The following CHD7 variants were observed in gnomAD, a reference collection of about 807,000 sequenced individuals.
The protein encoded by CHD7 is ATP-dependent chromatin remodeler CHD7.
A neutral mutation model predicts 307.3 loss-of-function variants in CHD7; 24 were observed. The ratio of observed to expected loss-of-function variants is 0.08; its 90% CI spans 0.06 to 0.11. The LOEUF is 0.11. Among genes scored for constraint, CHD7 ranks in the 10% least tolerant of loss-of-function variants. CHD7 has a pLI of 1.00. For synonymous variants in CHD7, 1,363 were observed against 1,349.9 expected (o/e 1.01, Z -0.21); for missense variants, 3,106 against 3,727.1 (o/e 0.83, Z 4.34).
chr8:60,714,264 T>G (rs1440073974), intron 1 of CHD7, among the ~76,000 whole-genome samples: 1 of 152,072 alleles, frequency 6.6e-6, no homozygotes, highest in African/African-American at 2.4e-5. Context: ...AGGCCCTCGC[T>G]GCCGGCACCG....
intron 19 of CHD7, among the ~76,000 whole-genome samples, chr8:60,838,638 A>G (rs377139920): frequency 2.0e-5 from 3 of 152,080 alleles, no homozygotes; most frequent in African/African-American, 7.2e-5. Context: ...CCTCTTCTCT[A>G]TTTTCTTCTT....
At chr8:60,682,383 T>G (rs1362125598) in intron 1 of CHD7, among the ~76,000 whole-genome samples, 1 of 152,204 alleles carries the variant, frequency 6.6e-6, no homozygotes, top group Non-Finnish European at 1.5e-5. Flanking sequence ...CAATAATATG[T>G]TATAGTTTTT....
chr8:60,816,235 CAGT>C (rs546460387), intron 7 of CHD7, among the ~76,000 whole-genome samples, 149 bp from the exon 8 acceptor site: 1 of 151,878 alleles, frequency 6.6e-6, no homozygotes, highest in Non-Finnish European at 1.5e-5. Flanking sequence ...TTATTCTAAA[CAGT>C]GGTGGGTATA....
At chr8:60,733,397 G>A (rs572617318) in intron 1 of CHD7, among the ~76,000 whole-genome samples, 1 of 152,318 alleles carries the variant, frequency 6.6e-6, no homozygotes, top group East Asian at 1.9e-4. Context: ...GTGCCCATCT[G>A]TTCCTAGGAC....
intron 19 of CHD7, among the ~76,000 whole-genome samples, chr8:60,841,268 T>C (rs1261088909): frequency 6.6e-6 from 1 of 152,252 alleles, no homozygotes; most frequent in African/African-American, 2.4e-5. Context: ...GCTGTGAACA[T>C]TTCCACATGC....
At chr8:60,722,089 G>A (rs1385819305) in intron 1 of CHD7, among the ~76,000 whole-genome samples, 1 of 152,078 alleles carries the variant, frequency 6.6e-6, no homozygotes, top group Non-Finnish European at 1.5e-5. Context: ...CACCAGATAC[G>A]GCCTGGTCAT....
chr8:60,837,928 C>T (rs533665954), intron 18 of CHD7, 93 bp downstream of exon 18: 27 of 1,327,596 alleles, frequency 2.0e-5, no homozygotes, highest in African/African-American at 7.4e-5. Context: ...GATTATTTTT[C>T]GACCTCAATA....
chr8:60,776,758 T>C (rs1309045121), intron 2 of CHD7, among the ~76,000 whole-genome samples: 1 of 152,246 alleles, frequency 6.6e-6, no homozygotes, highest in Non-Finnish European at 1.5e-5. Flanking sequence ...TTTTGAATCA[T>C]TGCACACTCT....
chr8:60,827,142 A>G (rs1804286282), intron 13 of CHD7, among the ~76,000 whole-genome samples: 1 of 152,182 alleles, frequency 6.6e-6, no homozygotes. Context: ...AGGAGTTCCT[A>G]ATGCTAGATG....
At position 60,701,899 on chromosome 8, in the gene CHD7, C is replaced by T. The variant is rs941358347; in HGVS notation, c.-175+22817C>T. ...CTTGATGTAGGGTTGTTTTCTGCAC[C>T]CAGTGCCAATCCTTAAGTTCTGGTG... On this transcript the variant is annotated intron_variant, in intron 1 of 37. Coordinates refer to ENST00000423902, the MANE Select transcript of CHD7 (RefSeq NM_017780.4). Among the ~76,000 whole-genome samples, 6 of 152,260 alleles carry T rather than the reference C, an allele frequency of 3.9e-5. No individual in the cohort carries two copies. In the South Asian group the frequency reaches 1.2e-3, roughly 32 times the overall value.
Position 60,759,998 on chromosome 8 carries a change from G to A in CHD7, c.1665+16901G>A, listed in dbSNP as rs76425095. Among the ~76,000 whole-genome samples the A allele has an allele frequency of 1.2e-3, 186 of 152,324 alleles. 2 individuals are homozygous for A. In the East Asian group the frequency reaches 0.03, roughly 24 times the overall value. ...GAAGCTCAGCTGTGGCTCCCACTGA[G>A]TGGTAAGCATGCATTTGGATTGCTG... On this transcript the variant is annotated intron_variant, in intron 2 of 37. Coordinates refer to ENST00000423902, the MANE Select transcript of CHD7 (RefSeq NM_017780.4).
chr8:60,758,931 G>A (rs1239019278), intron 2 of CHD7, among the ~76,000 whole-genome samples: 1 of 152,138 alleles, frequency 6.6e-6, no homozygotes, highest in Non-Finnish European at 1.5e-5. Context: ...AATGTGAGTT[G>A]GTGGCCATTG....
intron 1 of CHD7, among the ~76,000 whole-genome samples, chr8:60,692,741 G>A (rs1450781291): frequency 1.3e-5 from 2 of 152,118 alleles, no homozygotes; most frequent in Non-Finnish European, 2.9e-5. Context: ...GACCTTGGCC[G>A]AAGGCGTCAT....
rs765401655 is a variant in CHD7 at position 60,822,759 on chromosome 8, A to G, written c.3201+13A>G. The G allele has an allele frequency of 5.0e-6, 8 of 1,600,722 alleles. No homozygotes were observed. Among genetic ancestry groups the G allele is most frequent in the Non-Finnish European group, 6.8e-6 (8 of 1,171,034 alleles). ...CAAAGATCCCCAGGTAAACCTTCAC[A>G]GGTTGTATTCTTTGTACTTACTCTG... On this transcript the variant is annotated intron_variant, in intron 12 of 37. Transcript: ENST00000423902.
chr8:60,783,069 T>C (rs1278641984), intron 3 of CHD7, among the ~76,000 whole-genome samples: 1 of 152,222 alleles, frequency 6.6e-6, no homozygotes, highest in Non-Finnish European at 1.5e-5. Flanking sequence ...TCAAGATATA[T>C]ATCTGATTCC....
At chr8:60,847,403 T>C (rs1805259760) in intron 23 of CHD7, among the ~76,000 whole-genome samples, 1 of 152,242 alleles carries the variant, frequency 6.6e-6, no homozygotes. Context: ...TATCTTCTGC[T>C]ACCATCAGTT....
rs1291839866 is a variant in CHD7, at chr8:60,824,003, A to G, written c.3365A>G (p.Lys1122Arg). The stretch of plus-strand genomic sequence containing the variant: ...AACTGCAAGCTGTTGGAGGGACTCA[A>G]GATGATGGACTTGGTCAGTGACCAT... Reference protein sequence around the residue: ...NRNCKLLEGLKMMDLEHKVLL... With the variant: ...NRNCKLLEGLRMMDLEHKVLL... Residue 1122 changes from lysine (K) to arginine (R), a missense_variant, in exon 13 of 38, where the codon AAG becomes AGG. Physicochemically the swap from Lys to Arg is conservative, Grantham distance 26 (BLOSUM62 2). Around this residue, in one of 10 missense-constraint regions of CHD7, gnomAD observed 232 missense variants for 422.5 expected, o/e 0.55. Transcript: ENST00000423902. The G allele has an allele frequency of 1.2e-6, 2 of 1,613,036 alleles. No individual in the cohort carries two copies. Among genetic ancestry groups the G allele is most frequent in the East Asian group, 2.2e-5 (1 of 44,868 alleles).
At chr8:60,755,429 C>T (rs1238822971) in intron 2 of CHD7, among the ~76,000 whole-genome samples, 2 of 152,106 alleles carry the variant, frequency 1.3e-5, no homozygotes, top group East Asian at 1.9e-4. Context: ...GTTTTCTCTG[C>T]AAGAAAGAGT....
intron 1 of CHD7, among the ~76,000 whole-genome samples, chr8:60,714,406 G>GCCCCCT (rs1807461920): frequency 5.7e-5 from 1 of 17,622 alleles, no homozygotes; most frequent in African/African-American, 1.9e-4. Context: ...CCGGGAGAAG[G>GCCCCCT]CCCCCCCCCC....
Sources: allele counts gnomAD v4.1 joint callset (sites outside exome capture counted in the v4.1 genomes callset), GRCh38; gene constraint gnomAD v4.1.1; regional missense constraint gnomAD v4.1.1; transcripts MANE v1.5; gene names NCBI Gene and HGNC (gene_info 2026-07-23, HGNC 2026-07-21).